Variants in RBFOX1 observed in about 807,000 individuals in gnomAD.
The protein encoded by RBFOX1 is RNA binding fox-1 homolog 1, also known as RNA binding protein fox-1 homolog 1.
Under a neutral mutation model 57.7 loss-of-function variants are expected in RBFOX1, and 8 were observed. That is an observed-to-expected ratio of 0.14 (90% confidence interval 0.08 to 0.25). RBFOX1 has a LOEUF of 0.25. RBFOX1 is among the 10% of genes least tolerant of loss of function. The probability of loss-of-function intolerance (pLI) is 1.00; values close to 1 mark genes in which losing one functional copy is unlikely to be tolerated. For missense variants in RBFOX1, 611 were observed against 548.5 expected (o/e 1.11, Z -1.14); for synonymous variants, 326 against 222.4 (o/e 1.47, Z -4.15).
At position 5,405,722 on chromosome 16, in the gene RBFOX1, G is replaced by A. The variant is rs80134647; in HGVS notation, c.220-61494G>A. On this transcript the variant is annotated intron_variant, in intron 1 of 2. Coordinates refer to the RBFOX1 transcript ENST00000585867. ...AGGCAGACTTGGTTTGCGGGGATAA[G>A]TTATTGTTGGTCTAAGCCAGTTACA... Among the ~76,000 whole-genome samples the A allele has an allele frequency of 5.0e-3, 757 of 152,326 alleles. 7 individuals carry two copies. Among genetic ancestry groups the A allele is most frequent in the African/African-American group, 0.018 (735 of 41,568 alleles).
At chr16:5,667,789 A>C (rs2049893354) in intron 3 of RBFOX1, among the ~76,000 whole-genome samples, 1 of 152,230 alleles carries the variant, frequency 6.6e-6, no homozygotes, top group Non-Finnish European at 1.5e-5. Context: ...GAATAAAACT[A>C]AATAACCCCT....
At chr16:7,496,741 A>G (rs1258870942) in intron 4 of RBFOX1, among the ~76,000 whole-genome samples, 1 of 85,760 alleles carries the variant, frequency 1.2e-5, no homozygotes, top group Non-Finnish European at 2.6e-5. Flanking sequence ...AAAAGACTAC[A>G]GAACAGAAAA....
chr16:5,633,031 C>G (rs2048568132), intron 3 of RBFOX1, among the ~76,000 whole-genome samples: 1 of 150,546 alleles, frequency 6.6e-6, no homozygotes, highest in Non-Finnish European at 1.5e-5. Context: ...CTCTACCTCC[C>G]AAGTTCAAGT....
chr16:6,460,239 C>G (rs957419839), intron 2 of RBFOX1, among the ~76,000 whole-genome samples: 1 of 152,006 alleles, frequency 6.6e-6, no homozygotes, highest in Non-Finnish European at 1.5e-5. Flanking sequence ...ACGTGGCCAT[C>G]TTTTCCCTGT....
At chr16:7,566,144 G>A (rs2091637441) in intron 5 of RBFOX1, among the ~76,000 whole-genome samples, 1 of 152,138 alleles carries the variant, frequency 6.6e-6, no homozygotes. Flanking sequence ...GTAAGCATTT[G>A]ATAGAGTGTT....
chr16:5,319,145 AC>A (rs1173273418), intron 1 of RBFOX1, among the ~76,000 whole-genome samples: 2 of 152,010 alleles, frequency 1.3e-5, no homozygotes, highest in African/African-American at 4.8e-5. Flanking sequence ...AAACAAACAA[AC>A]AAACAAAAAA....
At chr16:7,663,121 C>T (rs906156384) in intron 12 of RBFOX1, among the ~76,000 whole-genome samples, 8 of 152,214 alleles carry the variant, frequency 5.3e-5, no homozygotes, top group African/African-American at 1.9e-4. Context: ...GGGACCCAAA[C>T]TAAATATCTG....
At chr16:7,666,018 T>C (rs150941667) in intron 13 of RBFOX1, among the ~76,000 whole-genome samples, 1 of 152,332 alleles carries the variant, frequency 6.6e-6, no homozygotes, top group East Asian at 1.9e-4. Context: ...TCCCCCGTAA[T>C]AAAATGAGTG....
At chr16:6,885,363 G>A (rs1264343794) in intron 3 of RBFOX1, among the ~76,000 whole-genome samples, 1 of 152,144 alleles carries the variant, frequency 6.6e-6, no homozygotes, top group South Asian at 2.1e-4. Context: ...CAAGCCTTCG[G>A]GGGGTTGCCG....
At chr16:6,875,859 A>T (rs1048961592) in intron 3 of RBFOX1, among the ~76,000 whole-genome samples, 1 of 152,060 alleles carries the variant, frequency 6.6e-6, no homozygotes, top group Non-Finnish European at 1.5e-5. Flanking sequence ...TTAGCCAGTC[A>T]TGGTGGTCCA....
chr16:5,434,267 G>A (rs1189781813), intron 1 of RBFOX1, among the ~76,000 whole-genome samples: 1 of 148,490 alleles, frequency 6.7e-6, no homozygotes, highest in East Asian at 2.0e-4. Flanking sequence ...ATTCCCCTGG[G>A]CTTCCATCCC....
chr16:5,834,777 G>C (rs766354626), intron 3 of RBFOX1, among the ~76,000 whole-genome samples: 2 of 19,824 alleles, frequency 1.0e-4, no homozygotes, highest in African/African-American at 3.6e-4. Context: ...ATGCACAGAT[G>C]ATAGATAGAT....
At chr16:6,025,865 C>T (rs1442076549) in intron 1 of RBFOX1, among the ~76,000 whole-genome samples, 2 of 152,186 alleles carry the variant, frequency 1.3e-5, no homozygotes, top group Non-Finnish European at 2.9e-5. Context: ...TCTTTATCCA[C>T]AATACTGGAA....
chr16:5,956,678 A>ATATATATTT lies in RBFOX1; in HGVS notation c.351+89344_351+89345insATATATTTT, dbSNP rs368096576. 7.7e-5 allele frequency among the ~76,000 whole-genome samples: 9 copies of ATATATATTT among 116,480 alleles called. No homozygotes were observed. In the East Asian group the frequency reaches 1.4e-3, roughly 18 times the overall value. The allele number at this position is 116,480 out of a possible 152,430, so 76.4% of individuals were successfully genotyped here. On this transcript the variant is annotated intron_variant, in intron 4 of 19. Coordinates refer to the RBFOX1 transcript ENST00000641259. ...TATATTTATATATATATATATATAT[A>ATATATATTT]TTTTTTTTGAGGCACAGTCTCATCC...
At chr16:6,637,524 AT>A (rs2098454967) in intron 2 of RBFOX1, among the ~76,000 whole-genome samples, 1 of 49,502 alleles carries the variant, frequency 2.0e-5, no homozygotes, top group Admixed American at 3.4e-4. Context: ...TATATATAAT[AT>A]TCTGTATAGT....
intron 4 of RBFOX1, among the ~76,000 whole-genome samples, chr16:7,469,347 C>T (rs8057159): frequency 0.33 from 50,744 of 151,878 alleles, 10,077 homozygotes; most frequent in Non-Finnish European, 0.45. Context: ...TAGGCGTGAG[C>T]CACCGCACCT....
chr16:6,471,909 G>T (rs1052114219), intron 2 of RBFOX1, among the ~76,000 whole-genome samples: 2 of 152,138 alleles, frequency 1.3e-5, no homozygotes, highest in African/African-American at 4.8e-5. Context: ...ATAGAATGAA[G>T]GAAGAAAGCT....
At chr16:5,830,097 G>A (rs989039314) in intron 3 of RBFOX1, among the ~76,000 whole-genome samples, 24 of 152,194 alleles carry the variant, frequency 1.6e-4, no homozygotes, top group African/African-American at 5.6e-4. Flanking sequence ...GGATTGTCTA[G>A]CATCCATCTT....
intron 2 of RBFOX1, among the ~76,000 whole-genome samples, chr16:6,564,663 G>A (rs148805512): frequency 2.0e-5 from 3 of 152,068 alleles, no homozygotes; most frequent in Admixed American, 6.6e-5. Flanking sequence ...ATGGAGAGCT[G>A]TTGGTCAAAA....
Sources: gnomAD v4.1 joint callset for allele counts (sites outside exome capture counted in the v4.1 genomes callset) on GRCh38, gnomAD v4.1.1 for gene constraint, MANE v1.5 for transcripts, NCBI Gene and HGNC (gene_info 2026-07-23, HGNC 2026-07-21) for gene names.